The following CCSER1 variants were observed in gnomAD, a reference collection of about 807,000 sequenced individuals.
The protein encoded by CCSER1 is serine-rich coiled-coil domain-containing protein 1.
A neutral mutation model predicts 82.0 loss-of-function variants in CCSER1; 41 were observed. The observed-to-expected ratio is 0.50, with a 90% CI of 0.39 to 0.65. The LOEUF (loss-of-function observed/expected upper bound fraction) is 0.65, where lower values mean the gene tolerates loss of function less well. Among genes scored for constraint, CCSER1 ranks in the 30% least tolerant of loss-of-function variants. CCSER1 has a pLI of 0.00. For missense variants in CCSER1, 1,119 were observed against 1,064.2 expected (o/e 1.05, Z -0.72); for synonymous variants, 414 against 383.9 (o/e 1.08, Z -0.92).
rs75942861 is a variant in CCSER1 at position 90,562,220 on chromosome 4, A to G, written c.1725-65805A>G. Reference sequence around the variant, plus strand: ...AAAAAAAAAAAAAAAAGATAAATTCAAAGTCACACTGTGTTTCACATGTAG... The same window carrying G: ...AAAAAAAAAAAAAAAAGATAAATTCGAAGTCACACTGTGTTTCACATGTAG... On this transcript the variant is annotated intron_variant, in intron 5 of 10. Transcript: ENST00000509176. 7.5e-4 allele frequency among the ~76,000 whole-genome samples: 113 copies of G among 151,660 alleles called. 1 individual carries two copies. The East Asian group carries it at 0.014, about 19-fold the overall frequency.
At chr4:90,271,877 TTTTTTTTTTTTTTA>T (rs1578873506) in intron 1 of CCSER1, among the ~76,000 whole-genome samples, 43 of 107,910 alleles carry the variant, frequency 4.0e-4, no homozygotes, top group Admixed American at 3.6e-3. Flanking sequence ...TTTTTTTTTT[TTTTTTTTTTTTTTA>T]AAAGGAGGTT....
intron 8 of CCSER1, among the ~76,000 whole-genome samples, chr4:90,895,333 G>T (rs1406053469): frequency 6.6e-6 from 1 of 151,824 alleles, no homozygotes; most frequent in East Asian, 1.9e-4. Flanking sequence ...CTCTAGGTAG[G>T]CATATATTTT....
At chr4:90,358,804 A>T (rs543152276) in intron 3 of CCSER1, among the ~76,000 whole-genome samples, 1 of 152,100 alleles carries the variant, frequency 6.6e-6, no homozygotes, top group Non-Finnish European at 1.5e-5. Context: ...GTCATTTTTG[A>T]CTCTATTGGT....
chr4:91,318,819 T>C (rs1698968815), intron 10 of CCSER1, among the ~76,000 whole-genome samples: 1 of 152,110 alleles, frequency 6.6e-6, no homozygotes, highest in Non-Finnish European at 1.5e-5. Context: ...TACTATGTTT[T>C]AGGCTCTACT....
At position 91,314,449 on chromosome 4, in the gene CCSER1, C is replaced by T. The variant is rs141907174; in HGVS notation, c.2217+228455C>T. On this transcript the variant is annotated intron_variant, in intron 10 of 10. Transcript: ENST00000509176. ...ATGCAAACTATATGTCATAATTTTACTCAGTTGATTAGAAAACCAATTAAG... is the reference window on the plus strand; with the variant it reads ...ATGCAAACTATATGTCATAATTTTATTCAGTTGATTAGAAAACCAATTAAG... Among the ~76,000 whole-genome samples, 9 of 152,038 alleles carry T rather than the reference C, an allele frequency of 5.9e-5. No individual in the cohort carries two copies. The East Asian group carries it at 1.7e-3, about 30-fold the overall frequency.
chr4:91,347,756 A>G (rs1748157117), intron 10 of CCSER1, among the ~76,000 whole-genome samples: 1 of 151,810 alleles, frequency 6.6e-6, no homozygotes, highest in Non-Finnish European at 1.5e-5. Context: ...TATGTTTTCC[A>G]TTTCAAATTC....
At chr4:90,332,260 T>G (rs1739437535) in intron 3 of CCSER1, among the ~76,000 whole-genome samples, 1 of 151,908 alleles carries the variant, frequency 6.6e-6, no homozygotes, top group South Asian at 2.1e-4. Flanking sequence ...TGGAGTTTTT[T>G]TTTTTTGCTC....
At chr4:90,886,855 T>A (rs1478346991) in intron 8 of CCSER1, among the ~76,000 whole-genome samples, 1 of 152,194 alleles carries the variant, frequency 6.6e-6, no homozygotes, top group Non-Finnish European at 1.5e-5. Context: ...TGTACTGAAC[T>A]CATTGTAATC....
At chr4:91,067,633 C>T (rs1457907598) in intron 9 of CCSER1, among the ~76,000 whole-genome samples, 1 of 151,764 alleles carries the variant, frequency 6.6e-6, no homozygotes, top group African/African-American at 2.4e-5. Context: ...GTATGAGCCA[C>T]TGCACCCACC....
intron 10 of CCSER1, among the ~76,000 whole-genome samples, chr4:91,385,465 A>T (rs556662955): frequency 4.6e-5 from 7 of 152,012 alleles, no homozygotes; most frequent in Non-Finnish European, 7.4e-5. Context: ...GGAGCTCCTG[A>T]TGCTTCTCTG....
chr4:90,606,545 GAT>G (rs149882410), intron 5 of CCSER1, among the ~76,000 whole-genome samples: 40 of 152,258 alleles, frequency 2.6e-4, no homozygotes, highest in Non-Finnish European at 5.3e-4. Context: ...CACTTGACGT[GAT>G]ATAGAGTTCA....
chr4:90,433,718 C>A (rs1329619617), intron 4 of CCSER1, among the ~76,000 whole-genome samples: 1 of 151,948 alleles, frequency 6.6e-6, no homozygotes, highest in Non-Finnish European at 1.5e-5. Context: ...TAAAAATCTG[C>A]TTAATGTGGA....
chr4:90,414,669 G>T (rs995332969), intron 4 of CCSER1, among the ~76,000 whole-genome samples: 1 of 151,998 alleles, frequency 6.6e-6, no homozygotes, highest in Non-Finnish European at 1.5e-5. Context: ...TAGCAGCGAG[G>T]TTCGTTAGAT....
chr4:90,488,178 T>C (rs1467656379), intron 5 of CCSER1, among the ~76,000 whole-genome samples: 1 of 152,138 alleles, frequency 6.6e-6, no homozygotes, highest in Non-Finnish European at 1.5e-5. Context: ...TTTTATTTTA[T>C]TTTATTTTAT....
chr4:91,444,022 C>T (rs1755389643), intron 10 of CCSER1, among the ~76,000 whole-genome samples: 1 of 151,936 alleles, frequency 6.6e-6, no homozygotes, highest in African/African-American at 2.4e-5. Flanking sequence ...AAAAGAATTG[C>T]TTGTGATACA....
chr4:90,974,703 A>G (rs897819225), intron 9 of CCSER1, among the ~76,000 whole-genome samples: 5 of 151,430 alleles, frequency 3.3e-5, no homozygotes, highest in African/African-American at 7.3e-5. Flanking sequence ...TAATAATAAT[A>G]AAAAAAGATA....
At position 91,598,773 on chromosome 4, in the gene CCSER1, A is replaced by G; in HGVS notation, c.2419A>G (p.Arg807Gly). The G allele has an allele frequency of 1.3e-6, 2 of 1,551,684 alleles. No individual in the cohort carries two copies. Among genetic ancestry groups the G allele is most frequent in the South Asian group, 1.2e-5 (1 of 84,062 alleles). ...ACTAGCAGAAGTTATCAAACATTCA[A>G]GAGGAACTTATGAAACCCTCACTTC... ...KELAEVIKHSRGTYETLTSDV... is the reference protein window; with the variant it reads ...KELAEVIKHSGGTYETLTSDV... Residue 807 changes from arginine (R) to glycine (G), a missense_variant, in exon 11 of 11, where the codon AGA becomes GGA. Coordinates refer to ENST00000509176, the MANE Select transcript of CCSER1 (RefSeq NM_001145065.2).
intron 10 of CCSER1, among the ~76,000 whole-genome samples, chr4:91,187,341 G>A (rs1443832072): frequency 6.6e-6 from 1 of 151,994 alleles, no homozygotes; most frequent in Non-Finnish European, 1.5e-5. Flanking sequence ...TTTTTACCTG[G>A]GTAGTATTAA....
chr4:90,634,122 C>T lies in CCSER1; in HGVS notation c.1932+5890C>T, dbSNP rs914526892. Reference sequence around the variant, plus strand: ...TACAGAGGTGGGTTTTGTTTTAATGCTTCCTTTTAGTTTGCTCTATTCTCT... The same window carrying T: ...TACAGAGGTGGGTTTTGTTTTAATGTTTCCTTTTAGTTTGCTCTATTCTCT... On this transcript the variant is annotated intron_variant, in intron 6 of 10. Coordinates refer to ENST00000509176, the MANE Select transcript of CCSER1 (RefSeq NM_001145065.2). 4.6e-5 allele frequency among the ~76,000 whole-genome samples: 7 copies of T among 151,462 alleles called. No homozygotes were observed. In the East Asian group the frequency reaches 1.3e-3, roughly 29 times the overall value.
Sources: gnomAD v4.1 joint callset for allele counts (sites outside exome capture counted in the v4.1 genomes callset) on GRCh38, gnomAD v4.1.1 for gene constraint, MANE v1.5 for transcripts, NCBI Gene and HGNC (gene_info 2026-07-23, HGNC 2026-07-21) for gene names.